NEURL2: variants seen among roughly 807,000 people sequenced by gnomAD.
NEURL2 encodes neuralized E3 ubiquitin protein ligase 2.
A neutral mutation model predicts 15.9 loss-of-function variants in NEURL2; 16 were observed. That is an observed-to-expected ratio of 1.01 (90% confidence interval 0.68 to 1.53). The LOEUF is 1.53. Among genes scored for constraint, NEURL2 ranks in the 40% most tolerant of loss-of-function variants. The probability of loss-of-function intolerance (pLI) is 0.00; values close to 1 mark genes in which losing one functional copy is unlikely to be tolerated. For synonymous variants in NEURL2, 188 were observed against 178.3 expected (o/e 1.05, Z -0.43); for missense variants, 393 against 407.8 (o/e 0.96, Z 0.31).
rs1986574271 is a variant in NEURL2, at chr20:45,888,637, A to G, written c.*121T>C. On this transcript the variant is annotated 3_prime_UTR_variant, in exon 2 of 2. Coordinates refer to ENST00000372518, the MANE Select transcript of NEURL2 (RefSeq NM_080749.4). ...GGGCAAGGAGACCTTCCAGTGATCA[A>G]GATGTCAGCATCGGCTGTTTATTTC... 2.2e-6 allele frequency: 2 copies of G among 899,524 alleles called. No individual in the cohort carries two copies. The highest frequency in any genetic ancestry group is 5.3e-5 in the East Asian group (2 of 38,028). 55.7% of individuals were successfully genotyped at this position (899,524 alleles called of 1,614,324 possible).
chr20:45,890,190 C>T, intron 1 of NEURL2, 60 bp downstream of exon 1: 1 of 1,596,862 alleles, frequency 6.3e-7, no homozygotes, highest in Non-Finnish European at 8.6e-7. Flanking sequence ...GGCTACGGAG[C>T]CCTAGTAGAT....
chr20:45,891,185 G>T lies in NEURL2; in HGVS notation c.-194C>A. 9.6e-7 allele frequency: 1 copy of T among 1,039,182 alleles called. No individual in the cohort carries two copies. Among genetic ancestry groups the T allele is most frequent in the Non-Finnish European group, 1.4e-6 (1 of 696,574 alleles). The allele number at this position is 1,039,182 out of a possible 1,614,324, so 64.4% of individuals were successfully genotyped here. ...CCGTCCACAACAGGATCATCTGATC[G>T]CGTGCGCCCGGGCTACGATCTGCGA... On this transcript the variant is annotated 5_prime_UTR_variant, in exon 1 of 2. Transcript: ENST00000372518. This position sits in a 1 kb window ranked among gnomAD's most constrained non-coding sequence, Gnocchi z 4.6.
chr20:45,890,883 C>A lies in NEURL2; in HGVS notation c.109G>T (p.Asp37Tyr), dbSNP rs1007752268. ...CGTGTGGCCCGCGTCCCAGAGGGGT[C>A]CACGCGGATGTTGGCACCGTGCACC... ...HRVHGANIRV[D>Y]PSGTRATRVE... The change falls in exon 1 of 2, where the codon GAC (aspartate) becomes TAC (tyrosine). Residue 37 changes from aspartate (D) to tyrosine (Y), a missense_variant. Transcript: ENST00000372518. 6.4e-7 allele frequency: 1 copy of A among 1,567,852 alleles called. No individual in the cohort carries two copies. Among genetic ancestry groups the A allele is most frequent in the Non-Finnish European group, 8.7e-7 (1 of 1,155,488 alleles).
chr20:45,890,593 C>G lies in NEURL2; in HGVS notation c.399G>C (p.Ala133=), dbSNP rs765561816. 6.2e-7 allele frequency: 1 copy of G among 1,612,232 alleles called. No homozygotes were observed. The highest frequency in any genetic ancestry group is 2.2e-5 in the East Asian group (1 of 44,856). Residue 133 remains alanine (A), a synonymous_variant, in exon 1 of 2, where the codon GCG becomes GCC. Transcript: ENST00000372518. ...GGAGGGTTGGAGGTCGGCTGGGGGCCGCTGCCTCCGCCTCCGGGCGGCCCT... is the reference window on the plus strand; with the variant it reads ...GGAGGGTTGGAGGTCGGCTGGGGGCGGCTGCCTCCGCCTCCGGGCGGCCCT... The part of the protein sequence containing the change: ...PREGRPEAEA[A]APSRPPTLLV...
At position 45,890,241 on chromosome 20, in the gene NEURL2, G is replaced by T. The variant is rs201147104; in HGVS notation, c.742+9C>A. ...GAGCCAGGAGGGGTCGCTGCCCAGGGATACCTACAGCCATACTCGAGCTGG... is the reference window on the plus strand; with the variant it reads ...GAGCCAGGAGGGGTCGCTGCCCAGGTATACCTACAGCCATACTCGAGCTGG... On this transcript the variant is annotated intron_variant, in intron 1 of 1. Transcript: ENST00000372518. The T allele has an allele frequency of 3.7e-6, 6 of 1,613,720 alleles. No homozygotes were observed. Among genetic ancestry groups the T allele is most frequent in the Middle Eastern group, 1.6e-4 (1 of 6,084 alleles).
At position 45,890,558 on chromosome 20, in the gene NEURL2, G is replaced by T; in HGVS notation, c.434C>A (p.Pro145Gln). The change falls in exon 1 of 2, where the codon CCA (proline) becomes CAA (glutamine). Residue 145 changes from proline (P) to glutamine (Q), a missense_variant. Transcript: ENST00000372518. ...PSRPPTLLVE[P>Q]YLRIEQFRIP... ...GCGAAACTGCTCAATGCGCAGATAT[G>T]GTTCCACGAGGAGGGTTGGAGGTCG... The T allele has an allele frequency of 6.2e-7, 1 of 1,611,722 alleles. No homozygotes were observed. Among genetic ancestry groups the T allele is most frequent in the South Asian group, 1.1e-5 (1 of 90,912 alleles).
At position 45,890,693 on chromosome 20, in the gene NEURL2, G is replaced by T; in HGVS notation, c.299C>A (p.Ser100Tyr). ...GCCCAGGTTGACCAGATCGGGCAGA[G>T]AAAACTCGGGAACGGGGGCCAGACT... is the stretch of plus-strand genomic sequence containing the variant. ...PASLAPVPEF[S>Y]LPDLVNLGHT... Residue 100 changes from serine (S) to tyrosine (Y), a missense_variant, in exon 1 of 2, where the codon TCT becomes TAT. Physicochemically the swap from Ser to Tyr is moderately radical, Grantham distance 144 (BLOSUM62 -2). Transcript: ENST00000372518. The T allele has an allele frequency of 6.2e-7, 1 of 1,613,796 alleles. No individual in the cohort carries two copies. Among genetic ancestry groups the T allele is most frequent in the Non-Finnish European group, 8.5e-7 (1 of 1,179,894 alleles).
intron 1 of NEURL2, among the ~76,000 whole-genome samples, chr20:45,889,363 T>C (rs930772148): frequency 6.6e-6 from 1 of 152,042 alleles, no homozygotes; most frequent in Non-Finnish European, 1.5e-5. Flanking sequence ...CTTTCTTTTT[T>C]TTTTTTTATT....
In NEURL2 at chr20:45,890,405, G is replaced by A. The variant is rs573188133; in HGVS notation, c.587C>T (p.Pro196Leu). 8.7e-6 allele frequency: 14 copies of A among 1,612,190 alleles called. No individual in the cohort carries two copies. The South Asian group carries it at 9.9e-5, about 11-fold the overall frequency. The change falls in exon 1 of 2, where the codon CCG becomes CTG. Residue 196 changes from proline to leucine, a missense_variant. Physicochemically the swap from Pro to Leu is moderately conservative, Grantham distance 98. Transcript: ENST00000372518. ...CATGTCGGCCGTGCCATCGGGGCGCGGGCAAAAGAGGACACCCAGGCGGCT... is the reference window on the plus strand; with the variant it reads ...CATGTCGGCCGTGCCATCGGGGCGCAGGCAAAAGAGGACACCCAGGCGGCT... ...RRSRLGVLFC[P>L]RPDGTADMHI...
At position 45,891,199 on chromosome 20, in the gene NEURL2, T is replaced by G; in HGVS notation, c.-208A>C. On this transcript the variant is annotated 5_prime_UTR_variant, in exon 1 of 2. Transcript: ENST00000372518. The surrounding 1 kb of genome is among the most constrained non-coding windows in gnomAD (Gnocchi z 4.6). The stretch of plus-strand genomic sequence containing the variant: ...ATCATCTGATCGCGTGCGCCCGGGC[T>G]ACGATCTGCGAGGCCCGCGGACCTT... 1 of 1,095,176 alleles carries G rather than the reference T, an allele frequency of 9.1e-7. No individual in the cohort carries two copies. Among genetic ancestry groups the G allele is most frequent in the Non-Finnish European group, 1.3e-6 (1 of 741,188 alleles). 67.8% of individuals were successfully genotyped at this position (1,095,176 alleles called of 1,614,324 possible).
In NEURL2 at chr20:45,888,856, G is replaced by A; in HGVS notation, c.760C>T (p.Leu254=). 1 of 1,614,126 alleles carries A rather than the reference G, an allele frequency of 6.2e-7. No individual in the cohort carries two copies. Among genetic ancestry groups the A allele is most frequent in the Non-Finnish European group, 8.5e-7 (1 of 1,179,970 alleles). The change falls in exon 2 of 2, where the codon CTG becomes TTG. Residue 254 remains leucine, a synonymous_variant. Coordinates refer to ENST00000372518, the MANE Select transcript of NEURL2 (RefSeq NM_080749.4). The part of the protein sequence containing the change: ...LEYGLPSLQT[L]CRLVIQRSMV... ...CTCCTTTGTATCACTAGGCGGCACA[G>A]AGTCTGCAGGGATGGCACTGTGGGA...
In NEURL2 at chr20:45,890,379, G is replaced by A; in HGVS notation, c.613C>T (p.His205Tyr). ...ATGTCCTCGCCGTTGATGATGATGT[G>A]CATGTCGGCCGTGCCATCGGGGCGC... ...CPRPDGTADM[H>Y]IIINGEDMGP... The change falls in exon 1 of 2, where the codon CAC becomes TAC. Residue 205 changes from histidine to tyrosine, a missense_variant. Transcript: ENST00000372518. The A allele has an allele frequency of 6.2e-7, 1 of 1,612,804 alleles. No individual in the cohort carries two copies. The highest frequency in any genetic ancestry group is 8.5e-7 in the Non-Finnish European group (1 of 1,179,910).
rs377646244 is a variant in NEURL2 at position 45,888,820 on chromosome 20, G to A, written c.796C>T (p.Arg266Trp). Residue 266 changes from arginine to tryptophan, a missense_variant, in exon 2 of 2, where the codon CGG (arginine) becomes TGG (tryptophan). By Grantham distance (101) the Arg-to-Trp change is moderately radical (BLOSUM62 -3). Coordinates refer to ENST00000372518, the MANE Select transcript of NEURL2 (RefSeq NM_080749.4). ...RLVIQRSMVH[R>W]LAIDGLHLPK... is the part of the protein sequence containing the mutation. ...AGGTGGAGCCCATCAATGGCCAGCC[G>A]GTGCACCATGCTCCTTTGTATCACT... is the stretch of plus-strand genomic sequence containing the variant. The A allele has an allele frequency of 6.2e-6, 10 of 1,613,910 alleles. No homozygotes were observed. Among genetic ancestry groups the A allele is most frequent in the East Asian group, 4.5e-5 (2 of 44,894 alleles).
Position 45,890,694 on chromosome 20 carries a change from A to G in NEURL2, c.298T>C (p.Ser100Pro). ...CCCAGGTTGACCAGATCGGGCAGAG[A>G]AAACTCGGGAACGGGGGCCAGACTG... ...PASLAPVPEF[S>P]LPDLVNLGHT... Residue 100 changes from serine to proline, a missense_variant, in exon 1 of 2, where the codon TCT (serine) becomes CCT (proline). Transcript: ENST00000372518. 2 of 1,613,714 alleles carry G rather than the reference A, an allele frequency of 1.2e-6. No homozygotes were observed. Among genetic ancestry groups the G allele is most frequent in the Non-Finnish European group, 1.7e-6 (2 of 1,179,870 alleles).
Position 45,890,601 on chromosome 20 carries a change from C to G in NEURL2, c.391G>C (p.Glu131Gln), listed in dbSNP as rs370061686. 37 of 1,612,432 alleles carry G rather than the reference C, an allele frequency of 2.3e-5. No homozygotes were observed. The highest frequency in any genetic ancestry group is 8.3e-5 in the Admixed American group (5 of 59,936). Residue 131 changes from glutamate (E) to glutamine (Q), a missense_variant, in exon 1 of 2, where the codon GAG (glutamate) becomes CAG (glutamine). Glu to Gln is a conservative substitution (Grantham distance 29). Coordinates refer to ENST00000372518, the MANE Select transcript of NEURL2 (RefSeq NM_080749.4). ...RVPREGRPEA[E>Q]AAAPSRPPTL... ...GGAGGTCGGCTGGGGGCCGCTGCCT[C>G]CGCCTCCGGGCGGCCCTCCCGGGGC...
chr20:45,890,185 C>G (rs1171463644), intron 1 of NEURL2, 65 bp downstream of exon 1: 2 of 1,587,024 alleles, frequency 1.3e-6, no homozygotes, highest in African/African-American at 2.7e-5. Context: ...ACATGGGCTA[C>G]GGAGCCCTAG....
chr20:45,890,158 A>C (rs891637803), intron 1 of NEURL2, 92 bp downstream of exon 1: 2 of 1,405,594 alleles, frequency 1.4e-6, no homozygotes, highest in Admixed American at 3.5e-5. Context: ...CTAGTGCCGG[A>C]CAGACGAAGG....
In NEURL2 at chr20:45,888,681, A is replaced by G; in HGVS notation, c.*77T>C. 1.4e-6 allele frequency: 2 copies of G among 1,426,554 alleles called. No homozygotes were observed. Among genetic ancestry groups the G allele is most frequent in the South Asian group, 1.2e-5 (1 of 83,694 alleles). 88.4% of individuals were successfully genotyped at this position (1,426,554 alleles called of 1,614,324 possible). A position where few individuals can be genotyped will look rare whatever the true frequency, so the allele number is the denominator to read the frequency against. Reference sequence around the variant, plus strand: ...TTATTTCTGGTCTTGGCTGGCAGCAATGTGGCCAACTTCGGACCAGCCAGC... The same window carrying G: ...TTATTTCTGGTCTTGGCTGGCAGCAGTGTGGCCAACTTCGGACCAGCCAGC... On this transcript the variant is annotated 3_prime_UTR_variant, in exon 2 of 2. Coordinates refer to ENST00000372518, the MANE Select transcript of NEURL2 (RefSeq NM_080749.4).
Position 45,890,389 on chromosome 20 carries a change from C to T in NEURL2, c.603G>A (p.Thr201=). ...GVLFCPRPDG[T]ADMHIIINGE... ...CGTTGATGATGATGTGCATGTCGGC[C>T]GTGCCATCGGGGCGCGGGCAAAAGA... Residue 201 remains threonine (T), a synonymous_variant, in exon 1 of 2, where the codon ACG becomes ACA. Coordinates refer to ENST00000372518, the MANE Select transcript of NEURL2 (RefSeq NM_080749.4). 2.5e-6 allele frequency: 4 copies of T among 1,612,706 alleles called. No individual in the cohort carries two copies. Among genetic ancestry groups the T allele is most frequent in the Non-Finnish European group, 3.4e-6 (4 of 1,179,848 alleles).
Sources: gnomAD v4.1 joint callset for allele counts (sites outside exome capture counted in the v4.1 genomes callset) on GRCh38, gnomAD v4.1.1 for gene constraint, Gnocchi (gnomAD v3.1) non-coding constraint, MANE v1.5 for transcripts, NCBI Gene and HGNC (gene_info 2026-07-23, HGNC 2026-07-21) for gene names.